ST18: variants seen among roughly 807,000 people sequenced by gnomAD.
ST18 encodes suppression of tumorigenicity 18 protein.
A neutral mutation model predicts 110.0 loss-of-function variants in ST18; 50 were observed. The observed-to-expected ratio is 0.45, with a 90% CI of 0.36 to 0.58. ST18 has a LOEUF of 0.58. Among genes scored for constraint, ST18 ranks in the 20% least tolerant of loss-of-function variants. The pLI is 0.00. For missense variants in ST18, 1,306 were observed against 1,280.1 expected (o/e 1.02, Z -0.31); for synonymous variants, 461 against 452.4 (o/e 1.02, Z -0.24).
intron 2 of ST18, among the ~76,000 whole-genome samples, chr8:52,324,570 G>A (rs549638262): frequency 1.3e-5 from 2 of 152,306 alleles, no homozygotes; most frequent in South Asian, 4.1e-4. Context: ...CTAGTGATGA[G>A]CACTGACTGC....
At chr8:52,184,108 C>G (rs974312325) in intron 8 of ST18, among the ~76,000 whole-genome samples, 1 of 152,124 alleles carries the variant, frequency 6.6e-6, no homozygotes, top group East Asian at 1.9e-4. Flanking sequence ...AGAGAAATGC[C>G]ACAAAATGCT....
At position 52,314,543 on chromosome 8, in the gene ST18, G is replaced by T. The variant is rs1237063489; in HGVS notation, c.-464-84466C>A. ...TCCAGAGTAGACCAGATTGACAGTT[G>T]GTTCTGCTTCAGGTTCTGATTCTGT... On this transcript the variant is annotated intron_variant, in intron 2 of 25. Coordinates refer to ENST00000689386, the MANE Select transcript of ST18 (RefSeq NM_001352837.2). Among the ~76,000 whole-genome samples the T allele has an allele frequency of 2.6e-5, 4 of 152,308 alleles. No homozygotes were observed. In the East Asian group the frequency reaches 7.7e-4, roughly 29 times the overall value.
At chr8:52,274,228 T>C (rs909179877) in intron 2 of ST18, among the ~76,000 whole-genome samples, 2 of 152,166 alleles carry the variant, frequency 1.3e-5, no homozygotes, top group Admixed American at 1.3e-4. Flanking sequence ...ACACTTTCAC[T>C]CCTGAAATGT....
At chr8:52,287,668 C>A (rs1012232782) in intron 2 of ST18, among the ~76,000 whole-genome samples, 2 of 152,140 alleles carry the variant, frequency 1.3e-5, no homozygotes, top group African/African-American at 4.8e-5. Flanking sequence ...AACCAAGTAA[C>A]CCCCAAGCTT....
At chr8:52,277,513 C>A (rs1002706914) in intron 2 of ST18, among the ~76,000 whole-genome samples, 1 of 152,144 alleles carries the variant, frequency 6.6e-6, no homozygotes, top group Non-Finnish European at 1.5e-5. Flanking sequence ...TCTTAGATCG[C>A]AGAAGAAATG....
At chr8:52,276,153 C>CACA (rs1564393049) in intron 2 of ST18, among the ~76,000 whole-genome samples, 2 of 12,978 alleles carry the variant, frequency 1.5e-4, no homozygotes, top group Admixed American at 8.5e-4. Context: ...ATGCACACCA[C>CACA]GCACCACACA....
intron 19 of ST18, among the ~76,000 whole-genome samples, chr8:52,136,096 C>A (rs958057366): frequency 6.6e-6 from 1 of 152,064 alleles, no homozygotes; most frequent in African/African-American, 2.4e-5. Context: ...AAAATGAAAT[C>A]ACAAAGTAAA....
At chr8:52,335,654 G>A (rs923694079) in intron 2 of ST18, among the ~76,000 whole-genome samples, 1 of 152,128 alleles carries the variant, frequency 6.6e-6, no homozygotes, top group Non-Finnish European at 1.5e-5. Flanking sequence ...TCTACCTGTG[G>A]TGTCATGTCA....
At chr8:52,145,938 A>G (rs2057106767) in intron 16 of ST18, among the ~76,000 whole-genome samples, 1 of 152,152 alleles carries the variant, frequency 6.6e-6, no homozygotes, top group South Asian at 2.1e-4. Context: ...AATTTTTTTT[A>G]GGGGGCATCT....
In ST18 at chr8:52,137,321, T is replaced by A. The variant is rs1176261912; in HGVS notation, c.2231+100A>T. Reference sequence around the variant, plus strand: ...ATAAACCAAAAACCCAACCAACTCATTTCCTGCTTCAGATAATACATGGAT... The same window carrying A: ...ATAAACCAAAAACCCAACCAACTCAATTCCTGCTTCAGATAATACATGGAT... On this transcript the variant is annotated intron_variant, in intron 18 of 25. Transcript: ENST00000689386. 2.4e-6 allele frequency: 3 copies of A among 1,267,386 alleles called. No individual in the cohort carries two copies. The African/African-American group carries it at 4.5e-5, about 19-fold the overall frequency. The allele number at this position is 1,267,386 out of a possible 1,614,324, so 78.5% of individuals were successfully genotyped here. A position where few individuals can be genotyped will look rare whatever the true frequency, so the allele number is the denominator to read the frequency against.
intron 3 of ST18, among the ~76,000 whole-genome samples, chr8:52,228,977 A>G (rs1356162967): frequency 2.0e-5 from 3 of 152,196 alleles, no homozygotes; most frequent in Admixed American, 1.3e-4. Flanking sequence ...CAAATATATC[A>G]TATAAAGAAT....
At chr8:52,190,513 T>A (rs1025230352) in intron 8 of ST18, among the ~76,000 whole-genome samples, 5 of 152,182 alleles carry the variant, frequency 3.3e-5, no homozygotes, top group African/African-American at 1.2e-4. Context: ...GCAGCTGCTA[T>A]GCCAAAATAT....
chr8:52,365,647 G>T (rs1168477107), intron 2 of ST18, among the ~76,000 whole-genome samples: 3 of 150,848 alleles, frequency 2.0e-5, no homozygotes, highest in Non-Finnish European at 4.4e-5. Flanking sequence ...AAAGATAATA[G>T]TTTGCAAATA....
At chr8:52,306,742 C>T (rs2095819200) in intron 2 of ST18, among the ~76,000 whole-genome samples, 1 of 151,974 alleles carries the variant, frequency 6.6e-6, no homozygotes, top group Admixed American at 6.6e-5. Flanking sequence ...AAACCAGGGG[C>T]CCTGAGGATC....
At chr8:52,146,074 G>T (rs2057155240) in intron 16 of ST18, among the ~76,000 whole-genome samples, 1 of 152,208 alleles carries the variant, frequency 6.6e-6, no homozygotes, top group Non-Finnish European at 1.5e-5. Flanking sequence ...TTCTGGTTGT[G>T]TATGTGTCTT....
In ST18 at chr8:52,256,519, C is replaced by T. The variant is rs77035332; in HGVS notation, c.-464-26442G>A. 3.0e-3 allele frequency among the ~76,000 whole-genome samples: 452 copies of T among 152,240 alleles called. 1 individual carries two copies. The highest frequency in any genetic ancestry group is 0.01 in the African/African-American group (423 of 41,532). Reference sequence around the variant, plus strand: ...CTGGGATTACAGGTGTGAGTCAGTGCGCTCCGTCATCTAATCTGAAAATTC... The same window carrying T: ...CTGGGATTACAGGTGTGAGTCAGTGTGCTCCGTCATCTAATCTGAAAATTC... On this transcript the variant is annotated intron_variant, in intron 2 of 25. Transcript: ENST00000689386.
rs1284980117 is a variant in ST18 at position 52,270,456 on chromosome 8, C to T, written c.-464-40379G>A. Among the ~76,000 whole-genome samples, 8 of 152,268 alleles carry T rather than the reference C, an allele frequency of 5.3e-5. No individual in the cohort carries two copies. In the East Asian group the frequency reaches 1.4e-3, roughly 26 times the overall value. On this transcript the variant is annotated intron_variant, in intron 2 of 25. Transcript: ENST00000689386. ...GTGGTGAGAACACTCACGATCTTCC[C>T]TCTTCGCAAATTTTAAGTATATAGC...
At chr8:52,317,802 C>T (rs1415276179) in intron 2 of ST18, among the ~76,000 whole-genome samples, 1 of 152,144 alleles carries the variant, frequency 6.6e-6, no homozygotes, top group Non-Finnish European at 1.5e-5. Flanking sequence ...TTCATTATTT[C>T]TCATTTTAAA....
intron 8 of ST18, chr8:52,199,500 G>A (rs1178654036): frequency 6.6e-6 from 1 of 152,148 alleles, no homozygotes; most frequent in African/African-American, 2.4e-5. Flanking sequence ...GTGTTGCCAA[G>A]AAATTGCCCT....
Sources: allele counts gnomAD v4.1 joint callset (sites outside exome capture counted in the v4.1 genomes callset), GRCh38; gene constraint gnomAD v4.1.1; transcripts MANE v1.5; gene names NCBI Gene and HGNC (gene_info 2026-07-23, HGNC 2026-07-21).